Variants in UGT1A5 observed in about 807,000 individuals in gnomAD.
The protein encoded by UGT1A5 is UDP glucuronosyltransferase family 1 member A5.
In UGT1A5, 29 loss-of-function variants were observed where a neutral mutation model predicts 40.3. That is an observed-to-expected ratio of 0.72 (90% confidence interval 0.54 to 0.98). The LOEUF (loss-of-function observed/expected upper bound fraction) is 0.98. Ranked by LOEUF, UGT1A5 falls within the 50% of genes least tolerant of loss-of-function variation. UGT1A5 has a pLI of 0.00. For synonymous variants in UGT1A5, 257 were observed against 262.5 expected (o/e 0.98, Z 0.20); for missense variants, 678 against 677.9 (o/e 1.00, Z 0.00).
chr2:233,764,151 G>A (rs1391990112), intron 1 of UGT1A5, among the ~76,000 whole-genome samples: 1 of 152,184 alleles, frequency 6.6e-6, no homozygotes. Flanking sequence ...CATTTTGGCT[G>A]GTGAAGTCTC....
chr2:233,755,029 T>TGCC (rs1403336975), intron 1 of UGT1A5: 1 of 1,312,020 alleles, frequency 7.6e-7, no homozygotes, highest in Admixed American at 1.9e-5. Flanking sequence ...TTGAAGGGCC[T>TGCC]GCCGCCTGCG....
intron 1 of UGT1A5, among the ~76,000 whole-genome samples, chr2:233,727,843 T>A (rs768506184): frequency 1.3e-4 from 19 of 151,996 alleles, no homozygotes; most frequent in Non-Finnish European, 2.6e-4. Context: ...CAATGTGGAG[T>A]AATTTCCTCC....
intron 1 of UGT1A5, chr2:233,729,964 A>G: frequency 6.2e-7 from 1 of 1,614,074 alleles, no homozygotes; most frequent in East Asian, 2.2e-5. Context: ...TGGGGGCATC[A>G]ACTGTGCCAA....
At chr2:233,744,873 T>C (rs991695756) in intron 1 of UGT1A5, among the ~76,000 whole-genome samples, 13 of 151,922 alleles carry the variant, frequency 8.6e-5, no homozygotes, top group African/African-American at 3.2e-4. Context: ...AAGGGATTAG[T>C]TTAGGACAAC....
In UGT1A5 at chr2:233,767,159, T is replaced by G. The variant is rs1291449017; in HGVS notation, c.993T>G (p.Pro331=). 1.2e-6 allele frequency: 2 copies of G among 1,613,988 alleles called. No homozygotes were observed. Among genetic ancestry groups the G allele is most frequent in the East Asian group, 4.5e-5 (2 of 44,876 alleles). ...TTGCTGATGCTTTGGGCAAAATCCCTCAGACAGTAAGAAGATTCTATACCA... is the reference window on the plus strand; with the variant it reads ...TTGCTGATGCTTTGGGCAAAATCCCGCAGACAGTAAGAAGATTCTATACCA... ...MAIADALGKI[P]QTVLWRYTGT... Residue 331 remains proline (P), a synonymous_variant, in exon 2 of 5, where the codon CCT becomes CCG. Coordinates refer to ENST00000373414, the MANE Select transcript of UGT1A5 (RefSeq NM_019078.2).
intron 1 of UGT1A5, chr2:233,739,100 G>C (rs1263190228): frequency 6.6e-6 from 1 of 152,274 alleles, no homozygotes; most frequent in African/African-American, 2.4e-5. Context: ...TCGATGTGGT[G>C]TTGGGCCTGC....
At chr2:233,734,182 A>C (rs1380375014) in intron 1 of UGT1A5, among the ~76,000 whole-genome samples, 2 of 152,146 alleles carry the variant, frequency 1.3e-5, no homozygotes, top group African/African-American at 4.8e-5. Context: ...TAGGCTATTA[A>C]TTATTGCCTC....
intron 1 of UGT1A5, among the ~76,000 whole-genome samples, chr2:233,748,921 T>C (rs1470974823): frequency 7.9e-5 from 12 of 151,634 alleles, no homozygotes; most frequent in Non-Finnish European, 2.9e-5. Context: ...CAGGTGAAGC[T>C]GAACATATCA....
At chr2:233,737,845 C>A (rs993893058) in intron 1 of UGT1A5, among the ~76,000 whole-genome samples, 6 of 152,132 alleles carry the variant, frequency 3.9e-5, no homozygotes, top group Admixed American at 6.5e-5. Context: ...TGGCACAGGT[C>A]ACTCTTGCTA....
In UGT1A5 at chr2:233,769,856, TCA is replaced by T; in HGVS notation, c.1307+1418_1307+1419del. 4.3e-5 allele frequency: 14 copies of T among 322,422 alleles called. No individual in the cohort carries two copies. Among genetic ancestry groups the T allele is most frequent in the Admixed American group, 5.6e-5 (1 of 17,838 alleles). The allele number at this position is 322,422 out of a possible 1,614,324, so 20.0% of individuals were successfully genotyped here. A position where few individuals can be genotyped will look rare whatever the true frequency, so the allele number is the denominator to read the frequency against. ...CTGGGCAACAGAGTGAGACCCTGTC[TCA>T]AAAAAAAAAAAAAAAATGAAAAGTC... On this transcript the variant is annotated intron_variant, in intron 4 of 4. Transcript: ENST00000373414. The surrounding 1 kb of genome is among the most constrained non-coding windows in gnomAD (Gnocchi z 4.4).
At chr2:233,755,221 C>T (rs1695818847) in intron 1 of UGT1A5, 1 of 995,834 alleles carries the variant, frequency 1.0e-6, no homozygotes. Context: ...TTGATACCCT[C>T]GGACGAGGCC....
At chr2:233,761,270 CTT>C in intron 1 of UGT1A5, 1 of 1,591,968 alleles carries the variant, frequency 6.3e-7, no homozygotes, top group Non-Finnish European at 8.6e-7. Context: ...AAAATGCCCT[CTT>C]TTGTTAATTT....
At chr2:233,719,828 G>A in intron 1 of UGT1A5, 1 of 1,554,886 alleles carries the variant, frequency 6.4e-7, no homozygotes, top group Non-Finnish European at 8.7e-7. Flanking sequence ...AACTGTTGAG[G>A]GGCCTAGTGT....
chr2:233,753,217 G>T (rs1387240791), intron 1 of UGT1A5: 10 of 152,116 alleles, frequency 6.6e-5, no homozygotes, highest in Admixed American at 6.5e-4. Flanking sequence ...GTCTTATTTT[G>T]ATACTTCTTG....
At chr2:233,717,660 C>T (rs1182595168) in intron 1 of UGT1A5, 1 of 409,710 alleles carries the variant, frequency 2.4e-6, no homozygotes, top group Non-Finnish European at 5.0e-6. Context: ...AAGGAAGCAT[C>T]AGCAATCTTG....
Position 233,769,751 on chromosome 2 carries a change from AG to A in UGT1A5, c.1307+1314del. 1 of 1,422,830 alleles carries A rather than the reference AG, an allele frequency of 7.0e-7. No homozygotes were observed. Among genetic ancestry groups the A allele is most frequent in the South Asian group, 1.5e-5 (1 of 65,502 alleles). 88.1% of individuals were successfully genotyped at this position (1,422,830 alleles called of 1,614,324 possible). On this transcript the variant is annotated intron_variant, in intron 4 of 4. Coordinates refer to ENST00000373414, the MANE Select transcript of UGT1A5 (RefSeq NM_019078.2). This position sits in a 1 kb window ranked among gnomAD's most constrained non-coding sequence, Gnocchi z 4.4. ...ACGCCTGTAGTCCCAGCCACTCTGGAGGCTAAGGCGGGAGGATTGCTTGAGC... is the reference window on the plus strand; with the variant it reads ...ACGCCTGTAGTCCCAGCCACTCTGGAGCTAAGGCGGGAGGATTGCTTGAGC...
chr2:233,750,907 A>G (rs908558459), intron 1 of UGT1A5, among the ~76,000 whole-genome samples: 1 of 151,862 alleles, frequency 6.6e-6, no homozygotes, highest in Non-Finnish European at 1.5e-5. Flanking sequence ...TCTGCTAGAG[A>G]AGGGTGGTAA....
chr2:233,722,992 G>T (rs183532563), intron 1 of UGT1A5, among the ~76,000 whole-genome samples: 4,843 of 146,624 alleles, frequency 0.033, 98 homozygotes, highest in African/African-American at 0.049. Flanking sequence ...GTCTCAGCGT[G>T]GCAGAGGCAG....
intron 1 of UGT1A5, among the ~76,000 whole-genome samples, chr2:233,746,603 T>C (rs1036013853): frequency 3.3e-5 from 5 of 151,768 alleles, no homozygotes; most frequent in Non-Finnish European, 5.9e-5. Context: ...TTGTCTCTGT[T>C]CACCTGACCC....
Sources: allele counts gnomAD v4.1 joint callset (sites outside exome capture counted in the v4.1 genomes callset), GRCh38; gene constraint gnomAD v4.1.1; non-coding constraint Gnocchi (gnomAD v3.1); transcripts MANE v1.5; gene names NCBI Gene and HGNC (gene_info 2026-07-23, HGNC 2026-07-21).